The following CSMD3 variants were observed in gnomAD, a reference collection of about 807,000 sequenced individuals.
CSMD3 encodes the protein CUB and Sushi multiple domains 3, also known as CUB and sushi domain-containing protein 3.
A neutral mutation model predicts 435.2 loss-of-function variants in CSMD3; 177 were observed. That is an observed-to-expected ratio of 0.41 (90% confidence interval 0.36 to 0.46). The LOEUF (loss-of-function observed/expected upper bound fraction) is 0.46. Among genes scored for constraint, CSMD3 ranks in the 20% least tolerant of loss-of-function variants. The probability of loss-of-function intolerance (pLI) is 0.34; values close to 1 mark genes in which losing one functional copy is unlikely to be tolerated. For synonymous variants in CSMD3, 1,656 were observed against 1,520.5 expected (o/e 1.09, Z -2.07); for missense variants, 4,265 against 4,504.6 (o/e 0.95, Z 1.52).
At chr8:113,293,685 G>A (rs1422553107) in intron 2 of CSMD3, among the ~76,000 whole-genome samples, 4 of 151,762 alleles carry the variant, frequency 2.6e-5, no homozygotes, top group African/African-American at 4.8e-5. Context: ...TCCTTTACCC[G>A]CTTTCATCTC....
rs1256958166 is a variant in CSMD3 at position 112,740,734 on chromosome 8, C to A, written c.1973-50684G>T. Among the ~76,000 whole-genome samples the A allele has an allele frequency of 2.0e-5, 3 of 151,900 alleles. No individual in the cohort carries two copies. In the East Asian group the frequency reaches 5.8e-4, roughly 29 times the overall value. ...CAGACATGGTGAACAGCACGCCACA[C>A]GTAACAGGAGGTCTAGACTGAATGT... On this transcript the variant is annotated intron_variant, in intron 13 of 70. Transcript: ENST00000297405.
rs952576083 is a variant in CSMD3, at chr8:113,327,081, C to T, written c.179-12288G>A. Among the ~76,000 whole-genome samples the T allele has an allele frequency of 5.9e-5, 9 of 152,148 alleles. No individual in the cohort carries two copies. The South Asian group carries it at 1.5e-3, about 25-fold the overall frequency. On this transcript the variant is annotated intron_variant, in intron 1 of 70. Transcript: ENST00000297405. Reference sequence around the variant, plus strand: ...TGGATTTCCCACTGCCACCCAAGAGCTTATATAAAATACTACTGACTTTTA... The same window carrying T: ...TGGATTTCCCACTGCCACCCAAGAGTTTATATAAAATACTACTGACTTTTA...
intron 58 of CSMD3, among the ~76,000 whole-genome samples, chr8:112,282,475 C>T (rs1482535847): frequency 1.3e-5 from 2 of 151,556 alleles, no homozygotes; most frequent in East Asian, 1.9e-4. Context: ...CATAGCTTGA[C>T]GTAATGCAAG....
intron 1 of CSMD3, among the ~76,000 whole-genome samples, chr8:113,385,085 T>C (rs2094433688): frequency 6.6e-6 from 1 of 152,148 alleles, no homozygotes; most frequent in Non-Finnish European, 1.5e-5. Flanking sequence ...GGAAACTTGT[T>C]GAACTCTAAT....
At chr8:112,554,787 C>T (rs370681530) in intron 25 of CSMD3, among the ~76,000 whole-genome samples, 1 of 151,900 alleles carries the variant, frequency 6.6e-6, no homozygotes, top group East Asian at 1.9e-4. Flanking sequence ...AGCTATGGTG[C>T]CTCAAAAACT....
intron 3 of CSMD3, among the ~76,000 whole-genome samples, chr8:113,264,256 T>C (rs2093450035): frequency 6.6e-6 from 1 of 151,542 alleles, no homozygotes; most frequent in Non-Finnish European, 1.5e-5. Context: ...ACTATTACTC[T>C]GTATGGCCTT....
chr8:112,984,936 T>A (rs1045989781), intron 6 of CSMD3, among the ~76,000 whole-genome samples: 1 of 152,038 alleles, frequency 6.6e-6, no homozygotes, highest in Admixed American at 6.6e-5. Context: ...TACCTCATCC[T>A]TGCTATTTCA....
intron 2 of CSMD3, among the ~76,000 whole-genome samples, chr8:113,305,241 T>C (rs138450349): frequency 1.2e-3 from 189 of 152,282 alleles, no homozygotes; most frequent in African/African-American, 4.3e-3. Flanking sequence ...GCGTGGCACA[T>C]GTATACATAT....
intron 3 of CSMD3, among the ~76,000 whole-genome samples, chr8:113,183,087 C>A (rs1186409266): frequency 2.0e-5 from 3 of 152,018 alleles, no homozygotes; most frequent in Non-Finnish European, 4.4e-5. Flanking sequence ...CCCTGGCAGA[C>A]CCTGGTCCTG....
At chr8:113,253,033 A>T (rs1020184685) in intron 3 of CSMD3, among the ~76,000 whole-genome samples, 1 of 152,158 alleles carries the variant, frequency 6.6e-6, no homozygotes, top group Non-Finnish European at 1.5e-5. Flanking sequence ...CAGTTCTCAG[A>T]ACCAGAGCAC....
chr8:113,395,790 A>G (rs929236180), intron 1 of CSMD3, among the ~76,000 whole-genome samples: 1 of 152,094 alleles, frequency 6.6e-6, no homozygotes, highest in African/African-American at 2.4e-5. Flanking sequence ...CTGATCTTGT[A>G]CCTTTGCTAA....
intron 1 of CSMD3, among the ~76,000 whole-genome samples, chr8:113,340,058 A>T (rs942401781): frequency 4.6e-5 from 7 of 152,036 alleles, no homozygotes; most frequent in African/African-American, 1.7e-4. Context: ...TATATAACAT[A>T]TCTAAACTTA....
intron 5 of CSMD3, among the ~76,000 whole-genome samples, chr8:113,033,802 T>C (rs778545357): frequency 1.4e-4 from 21 of 151,244 alleles, no homozygotes; most frequent in Non-Finnish European, 2.7e-4. Flanking sequence ...TGGCTCTGTA[T>C]CCCCAACCAA....
intron 35 of CSMD3, among the ~76,000 whole-genome samples, chr8:112,396,149 A>C (rs75110500): frequency 3.3e-5 from 5 of 150,674 alleles, no homozygotes; most frequent in Non-Finnish European, 1.5e-5. Context: ...ACTGTGACAG[A>C]AAAAAAAACA....
intron 1 of CSMD3, among the ~76,000 whole-genome samples, chr8:113,402,221 T>C (rs2094513569): frequency 7.9e-6 from 1 of 127,136 alleles, no homozygotes; most frequent in Non-Finnish European, 1.7e-5. Context: ...ATTTGACAGC[T>C]GTTTTCATCA....
intron 2 of CSMD3, among the ~76,000 whole-genome samples, chr8:113,289,554 C>CAGAGAGAGAGAGAGAG (rs66595138): frequency 5.6e-5 from 8 of 143,286 alleles, no homozygotes; most frequent in African/African-American, 1.6e-4. Flanking sequence ...CAGAGAGAGA[C>CAGAGAGAGAGAGAGAG]AGAGAGAGAG....
chr8:113,285,044 A>G (rs1350760127), intron 2 of CSMD3, among the ~76,000 whole-genome samples: 2 of 152,160 alleles, frequency 1.3e-5, no homozygotes, highest in Admixed American at 1.3e-4. Context: ...CCATAAGAGA[A>G]ATGATTTTTT....
intron 23 of CSMD3, among the ~76,000 whole-genome samples, chr8:112,586,228 A>T (rs901968732): frequency 6.6e-6 from 1 of 151,358 alleles, no homozygotes; most frequent in Admixed American, 6.6e-5. Context: ...GAATAACATA[A>T]TTTTTTTTCA....
At chr8:113,182,844 T>C (rs1398479195) in intron 3 of CSMD3, among the ~76,000 whole-genome samples, 2 of 151,874 alleles carry the variant, frequency 1.3e-5, no homozygotes, top group East Asian at 3.9e-4. Flanking sequence ...CAAACTTCTC[T>C]GGGAGATGCA....
Sources: gnomAD v4.1 joint callset for allele counts (sites outside exome capture counted in the v4.1 genomes callset) on GRCh38, gnomAD v4.1.1 for gene constraint, MANE v1.5 for transcripts, NCBI Gene and HGNC (gene_info 2026-07-23, HGNC 2026-07-21) for gene names.